Variants in ENOX2 observed in about 807,000 individuals in gnomAD.
ENOX2 encodes the protein APK1 antigen.
In ENOX2, 36 loss-of-function variants were observed where a neutral mutation model predicts 45.0. The observed-to-expected ratio is 0.80, with a 90% CI of 0.61 to 1.06. ENOX2 has a LOEUF of 1.06. ENOX2 is among the 50% of genes least tolerant of loss of function. The pLI is 0.00. For missense variants in ENOX2, 423 were observed against 462.5 expected (o/e 0.91, Z 0.78); for synonymous variants, 174 against 152.3 (o/e 1.14, Z -1.05).
chrX:130,781,392 TCTG>T (rs781418680), intron 3 of ENOX2, among the ~76,000 whole-genome samples: 9 of 112,607 alleles, frequency 8.0e-5, no homozygotes, highest in Non-Finnish European at 1.5e-4. Context: ...TGCAAATTGT[TCTG>T]CTAATTATAG....
At chrX:130,682,459 C>T (rs1221106805) in intron 5 of ENOX2, among the ~76,000 whole-genome samples, 3 of 107,782 alleles carry the variant, frequency 2.8e-5, no homozygotes, top group Non-Finnish European at 5.8e-5. Flanking sequence ...TGGCACGTGC[C>T]TGTAATCCCA....
At chrX:130,839,787 T>TA (rs1342591590) in intron 2 of ENOX2, among the ~76,000 whole-genome samples, 1 of 111,835 alleles carries the variant, frequency 8.9e-6, no homozygotes, top group Non-Finnish European at 1.9e-5. Context: ...TAATATGTTG[T>TA]AAAAAAGTCT....
intron 3 of ENOX2, among the ~76,000 whole-genome samples, chrX:130,737,726 T>C (rs2038894730): frequency 9.0e-6 from 1 of 111,673 alleles, no homozygotes; most frequent in South Asian, 3.8e-4. Context: ...AATTTACTGA[T>C]AGAATCTCAG....
intron 3 of ENOX2, among the ~76,000 whole-genome samples, chrX:130,775,280 T>C (rs374247493): frequency 2.7e-5 from 3 of 109,874 alleles, no homozygotes; most frequent in Non-Finnish European, 1.9e-5. Context: ...CTTGGGGTGC[T>C]GGGGCAGGAG....
intron 2 of ENOX2, among the ~76,000 whole-genome samples, chrX:130,865,248 C>T (rs183049294): frequency 2.7e-5 from 3 of 111,137 alleles, no homozygotes; most frequent in African/African-American, 9.8e-5. Context: ...AGAATATATC[C>T]GATTCAGATG....
intron 2 of ENOX2, among the ~76,000 whole-genome samples, chrX:130,843,077 A>G (rs1016097022): frequency 6.3e-5 from 7 of 111,729 alleles, no homozygotes; most frequent in African/African-American, 2.3e-4. Context: ...ATCACTATAT[A>G]TGCTGATAAC....
At chrX:130,821,742 T>TAAAAAAAAAAAAAAAAAAAAAAAAAAAA in intron 2 of ENOX2, among the ~76,000 whole-genome samples, 3 of 23,165 alleles carry the variant, frequency 1.3e-4, no homozygotes, top group Non-Finnish European at 2.3e-4. Flanking sequence ...ATAAATAAAT[T>TAAAAAAAAAAAAAAAAAAAAAAAAAAAA]AAAAAAAAAA....
chrX:130,684,647 C>T (rs746172964), intron 5 of ENOX2, among the ~76,000 whole-genome samples: 1 of 112,028 alleles, frequency 8.9e-6, no homozygotes, highest in South Asian at 3.7e-4. Flanking sequence ...TGAACACCTA[C>T]TATATGTAAG....
intron 2 of ENOX2, among the ~76,000 whole-genome samples, chrX:130,819,682 C>T (rs1193406453): frequency 9.0e-6 from 1 of 111,058 alleles, no homozygotes; most frequent in Non-Finnish European, 1.9e-5. Flanking sequence ...AATGAGAACA[C>T]ATGGACACAG....
chrX:130,716,433 T>C (rs777314722), intron 3 of ENOX2, among the ~76,000 whole-genome samples: 2 of 112,173 alleles, frequency 1.8e-5, no homozygotes, highest in Admixed American at 9.4e-5. Flanking sequence ...TGGATGACAT[T>C]TGTATCTGTG....
chrX:130,772,925 T>C (rs991455419), intron 3 of ENOX2, among the ~76,000 whole-genome samples: 2 of 112,480 alleles, frequency 1.8e-5, no homozygotes, highest in Non-Finnish European at 3.8e-5. Flanking sequence ...AGACACTCAG[T>C]AAATATTTGC....
intron 3 of ENOX2, among the ~76,000 whole-genome samples, chrX:130,708,722 T>C (rs2038103633): frequency 8.9e-6 from 1 of 112,094 alleles, no homozygotes; most frequent in Non-Finnish European, 1.9e-5. Context: ...AATATATGAG[T>C]ATACAAAAGA....
chrX:130,800,748 G>C (rs1432273986), intron 2 of ENOX2, among the ~76,000 whole-genome samples: 1 of 111,736 alleles, frequency 8.9e-6, no homozygotes, highest in African/African-American at 3.3e-5. Flanking sequence ...ATTGATTTGT[G>C]TTTAGTAGGA....
chrX:130,656,684 G>A lies in ENOX2; in HGVS notation c.1026C>T (p.Asn342=), dbSNP rs773497899. 3 of 1,114,929 alleles carry A rather than the reference G, an allele frequency of 2.7e-6. No individual in the cohort carries two copies. Among genetic ancestry groups the A allele is most frequent in the Non-Finnish European group, 3.7e-6 (3 of 814,668 alleles). 91.9% of individuals were successfully genotyped at this position (1,114,929 alleles called of 1,213,427 possible). A position where few individuals can be genotyped will look rare whatever the true frequency, so the allele number is the denominator to read the frequency against. The part of the protein sequence containing the change: ...VWCKQAEEIR[N]IHNDELMGIR... ...TTCCCATTAATTCATCATTATGAAT[G>A]TTGCGAATTTCCTAAGGTTAAAAAG... Residue 342 remains asparagine, a synonymous_variant, in exon 10 of 15, where the codon AAC becomes AAT. Coordinates refer to ENST00000394363, the MANE Select transcript of ENOX2 (RefSeq NM_006375.4).
intron 3 of ENOX2, among the ~76,000 whole-genome samples, chrX:130,737,298 T>C (rs778610015): frequency 8.9e-5 from 10 of 112,551 alleles, no homozygotes; most frequent in Non-Finnish European, 1.9e-5. Context: ...TGGAACAAGG[T>C]TAACTATGTG....
intron 12 of ENOX2, among the ~76,000 whole-genome samples, chrX:130,632,918 C>G (rs2035817753): frequency 8.9e-6 from 1 of 111,980 alleles, no homozygotes; most frequent in South Asian, 3.7e-4. Context: ...CTTCTGACCC[C>G]CTTAAAACAT....
chrX:130,739,724 T>C (rs945989342), intron 3 of ENOX2, among the ~76,000 whole-genome samples: 2 of 111,949 alleles, frequency 1.8e-5, no homozygotes, highest in Non-Finnish European at 3.8e-5. Context: ...TTGTCCCAGG[T>C]CATAGTAGGT....
chrX:130,691,239 C>T (rs1306095010), intron 4 of ENOX2, among the ~76,000 whole-genome samples: 4 of 111,661 alleles, frequency 3.6e-5, no homozygotes, highest in Admixed American at 9.5e-5. Flanking sequence ...TAAATAATGG[C>T]ATTTAGCTCA....
intron 12 of ENOX2, among the ~76,000 whole-genome samples, chrX:130,634,655 C>G (rs915651945): frequency 3.6e-5 from 4 of 111,581 alleles, no homozygotes; most frequent in Non-Finnish European, 5.6e-5. Context: ...CATGAGTTTT[C>G]TATGTTGCTA....
Sources: allele counts gnomAD v4.1 joint callset (sites outside exome capture counted in the v4.1 genomes callset), GRCh38; gene constraint gnomAD v4.1.1; transcripts MANE v1.5; gene names NCBI Gene and HGNC (gene_info 2026-07-23, HGNC 2026-07-21).